The following CC2D2B variants were observed in gnomAD, a reference collection of about 807,000 sequenced individuals.
The protein encoded by CC2D2B is protein CC2D2B.
Under a neutral mutation model 161.2 loss-of-function variants are expected in CC2D2B, and 128 were observed. That is an observed-to-expected ratio of 0.79 (90% confidence interval 0.69 to 0.92). CC2D2B has a LOEUF of 0.92. Among genes scored for constraint, CC2D2B ranks in the 40% least tolerant of loss-of-function variants. CC2D2B has a pLI of 0.00. For missense variants in CC2D2B, 1,173 were observed against 1,375.1 expected, an observed-to-expected ratio of 0.85 and a Z score of 2.32; for synonymous variants, 391 against 449.8, an observed-to-expected ratio of 0.87 and a Z score of 1.65.
At chr10:95,962,146 T>G (rs998352066) in intron 12 of CC2D2B, among the ~76,000 whole-genome samples, 177 bp downstream of exon 12, 3 of 151,840 alleles carry the variant, frequency 2.0e-5, no homozygotes, top group Non-Finnish European at 2.9e-5. Context: ...ATATATATGT[T>G]GAATATATAA....
Position 95,949,891 on chromosome 10 carries a change from A to G in CC2D2B, c.802-5A>G. ...TAACATTGTGCACTTATTTTTCTTT[A>G]AAAGGCAGTAAAATATGACCTGGGA... On this transcript the variant is annotated splice_region_variant and splice_polypyrimidine_tract_variant and intron_variant, in intron 9 of 34. Coordinates refer to ENST00000646931, the MANE Select transcript of CC2D2B (RefSeq NM_001349008.3). 1 of 398,658 alleles carries G rather than the reference A, an allele frequency of 2.5e-6. No individual in the cohort carries two copies. The highest frequency in any genetic ancestry group is 3.6e-5 in the East Asian group (1 of 28,010). 24.7% of individuals were successfully genotyped at this position (398,658 alleles called of 1,614,324 possible). A position where few individuals can be genotyped will look rare whatever the true frequency, so the allele number is the denominator to read the frequency against.
chr10:96,002,271 T>C (rs190295530), intron 24 of CC2D2B, among the ~76,000 whole-genome samples: 1 of 152,310 alleles, frequency 6.6e-6, no homozygotes, highest in Non-Finnish European at 1.5e-5. Flanking sequence ...ATCCAGCTAC[T>C]ACTTTTTGTT....
Position 95,934,437 on chromosome 10 carries a change from GA to G in CC2D2B, c.337-3542del, listed in dbSNP as rs551651883. Among the ~76,000 whole-genome samples the G allele has an allele frequency of 2.4e-4, 34 of 143,876 alleles. 1 individual carries two copies. The highest frequency in any genetic ancestry group is 3.0e-4 in the Non-Finnish European group (20 of 65,776). 94.4% of individuals were successfully genotyped at this position (143,876 alleles called of 152,430 possible). ...GGCGTTCCAGGCACCACTGGGGTAT[GA>G]AAAAAAAAAAACAAACAAACAAACA... On this transcript the variant is annotated intron_variant, in intron 6 of 34. Coordinates refer to ENST00000646931, the MANE Select transcript of CC2D2B (RefSeq NM_001349008.3).
chr10:96,013,364 G>T (rs891293092), intron 28 of CC2D2B, among the ~76,000 whole-genome samples: 1 of 147,936 alleles, frequency 6.8e-6, no homozygotes, highest in Non-Finnish European at 1.5e-5. Flanking sequence ...AATTGTGATA[G>T]ATTTTGAACC....
intron 33 of CC2D2B, among the ~76,000 whole-genome samples, chr10:96,025,144 AC>A (rs2141951397): frequency 1.1e-5 from 1 of 88,354 alleles, no homozygotes; most frequent in African/African-American, 5.6e-5. Flanking sequence ...CGTCATCTCT[AC>A]TAAAAAAAAA....
At chr10:96,025,021 T>C in intron 33 of CC2D2B, 110 bp downstream of exon 33, 2 of 582,252 alleles carry the variant, frequency 3.4e-6, no homozygotes, top group South Asian at 4.6e-5. Flanking sequence ...GAGTTTATAA[T>C]ATTTCCAGCT....
At chr10:95,993,948 A>ATT (rs2078113186) in intron 22 of CC2D2B, among the ~76,000 whole-genome samples, 2 of 22,038 alleles carry the variant, frequency 9.1e-5, no homozygotes, top group African/African-American at 1.6e-4. Context: ...GTGTGTATGT[A>ATT]TGTGTATATA....
At position 95,972,577 on chromosome 10, in the gene CC2D2B, G is replaced by C. The variant is rs186423323; in HGVS notation, c.1795+361G>C. On this transcript the variant is annotated intron_variant, in intron 16 of 34. Transcript: ENST00000646931. Reference sequence around the variant, plus strand: ...GATCCGCCCCCCTCAGCCTCCCAAAGTGCTGGGATTACAGGCGTGAGCCAC... The same window carrying C: ...GATCCGCCCCCCTCAGCCTCCCAAACTGCTGGGATTACAGGCGTGAGCCAC... 4.6e-3 allele frequency among the ~76,000 whole-genome samples: 694 copies of C among 152,272 alleles called. 3 individuals carry two copies. The highest frequency in any genetic ancestry group is 5.4e-3 in the Non-Finnish European group (368 of 68,018).
intron 17 of CC2D2B, among the ~76,000 whole-genome samples, chr10:95,978,146 C>T (rs12356031): frequency 0.27 from 40,905 of 152,036 alleles, 6,519 homozygotes; most frequent in Admixed American, 0.37. Flanking sequence ...TTGCTTTATC[C>T]TTAAAGTACT....
chr10:95,924,382 A>G lies in CC2D2B; in HGVS notation c.166A>G (p.Ile56Val), dbSNP rs2141178053. The G allele has an allele frequency of 2.7e-6, 4 of 1,500,420 alleles. No individual in the cohort carries two copies. Among genetic ancestry groups the G allele is most frequent in the East Asian group, 2.5e-5 (1 of 39,736 alleles). The allele number at this position is 1,500,420 out of a possible 1,614,324, so 92.9% of individuals were successfully genotyped here. A position where few individuals can be genotyped will look rare whatever the true frequency, so the allele number is the denominator to read the frequency against. Residue 56 changes from isoleucine to valine, a missense_variant, in exon 4 of 35, where the codon ATT (isoleucine) becomes GTT (valine). Ile to Val is a conservative substitution (Grantham distance 29, BLOSUM62 3). Transcript: ENST00000646931. ...AGGCAAAGTGAGAGAAAAGCTAAAA[A>G]TTTCTAAGGTAATGCTTTTTAAAAT... ...LRGKVREKLKISKINKGEKSS... is the reference protein window; with the variant it reads ...LRGKVREKLKVSKINKGEKSS...
At chr10:95,938,758 G>T (rs1324827498) in intron 8 of CC2D2B, 39 bp from the exon 9 acceptor site, 11 of 701,940 alleles carry the variant, frequency 1.6e-5, no homozygotes, top group Non-Finnish European at 2.9e-5. Flanking sequence ...GACTTATTTA[G>T]CAAAATATTT....
intron 33 of CC2D2B, among the ~76,000 whole-genome samples, chr10:96,025,211 A>ATG (rs1564684638): frequency 2.2e-4 from 28 of 130,158 alleles, no homozygotes; most frequent in African/African-American, 8.4e-4. Context: ...ATATATATAT[A>ATG]TATATATATA....
At chr10:96,025,537 A>G (rs186669926) in intron 33 of CC2D2B, among the ~76,000 whole-genome samples, 1 of 152,212 alleles carries the variant, frequency 6.6e-6, no homozygotes, top group East Asian at 1.9e-4. Context: ...GTTGGAGCCT[A>G]TAGTAATAAT....
At chr10:95,922,183 GGA>G in intron 3 of CC2D2B, 107 bp downstream of exon 3, 1 of 542,882 alleles carries the variant, frequency 1.8e-6, no homozygotes, top group Non-Finnish European at 3.2e-6. Context: ...AATTTCCTAA[GGA>G]ATCAGTTTAA....
chr10:95,910,781 C>G (rs1357010783), intron 1 of CC2D2B, among the ~76,000 whole-genome samples: 1 of 152,138 alleles, frequency 6.6e-6, no homozygotes, highest in Non-Finnish European at 1.5e-5. Context: ...TTAATCAGAT[C>G]CTTTTTTTTC....
intron 17 of CC2D2B, among the ~76,000 whole-genome samples, chr10:95,981,402 A>G (rs1170454145): frequency 9.3e-6 from 1 of 107,936 alleles, no homozygotes; most frequent in Non-Finnish European, 2.0e-5. Context: ...CCGTCTCAAA[A>G]AAAAAAAAAA....
intron 12 of CC2D2B, among the ~76,000 whole-genome samples, chr10:95,962,761 TA>T (rs1170592104): frequency 7.0e-6 from 1 of 142,268 alleles, no homozygotes; most frequent in African/African-American, 2.5e-5. Flanking sequence ...CTTGCTGCAG[TA>T]GTTTTTTTTT....
intron 20 of CC2D2B, among the ~76,000 whole-genome samples, chr10:95,990,251 G>A (rs1363720223): frequency 6.6e-6 from 1 of 152,164 alleles, no homozygotes; most frequent in Non-Finnish European, 1.5e-5. Context: ...GAGAGAACAG[G>A]AGTTCTGGGT....
At chr10:95,935,647 C>T (rs947511300) in intron 6 of CC2D2B, among the ~76,000 whole-genome samples, 3 of 152,238 alleles carry the variant, frequency 2.0e-5, no homozygotes, top group African/African-American at 7.2e-5. Flanking sequence ...GGCTTCCTTC[C>T]TGTTTCTCAT....
Sources: gnomAD v4.1 joint callset for allele counts (sites outside exome capture counted in the v4.1 genomes callset) on GRCh38, gnomAD v4.1.1 for gene constraint, MANE v1.5 for transcripts, NCBI Gene and HGNC (gene_info 2026-07-23, HGNC 2026-07-21) for gene names.